The following CTNNA3 variants were observed in gnomAD, a reference collection of about 807,000 sequenced individuals.
CTNNA3 encodes the protein catenin alpha 3.
CTNNA3 carries 76 observed loss-of-function variants against 95.7 expected under a neutral mutation model. The ratio of observed to expected loss-of-function variants is 0.79; its 90% CI spans 0.66 to 0.96. CTNNA3 has a LOEUF of 0.96. Ranked by LOEUF, CTNNA3 falls within the 40% of genes least tolerant of loss-of-function variation. The probability of loss-of-function intolerance (pLI) is 0.00; values close to 1 mark genes in which losing one functional copy is unlikely to be tolerated. For synonymous variants in CTNNA3, 431 were observed against 374.4 expected (o/e 1.15, Z -1.74); for missense variants, 1,191 against 1,089.8 (o/e 1.09, Z -1.31).
At chr10:67,653,660 T>C (rs769674119) in intron 1 of CTNNA3, among the ~76,000 whole-genome samples, 1 of 152,160 alleles carries the variant, frequency 6.6e-6, no homozygotes, top group Non-Finnish European at 1.5e-5. Context: ...TAATCTGAAA[T>C]TGTTGAAATT....
chr10:66,814,405 T>G (rs988564556), intron 7 of CTNNA3, among the ~76,000 whole-genome samples: 1 of 152,180 alleles, frequency 6.6e-6, no homozygotes, highest in Non-Finnish European at 1.5e-5. Flanking sequence ...AAGCCTATGA[T>G]GAAGAATTTA....
chr10:65,988,088 T>C (rs533482930), intron 16 of CTNNA3, among the ~76,000 whole-genome samples: 4 of 152,192 alleles, frequency 2.6e-5, no homozygotes, highest in Non-Finnish European at 4.4e-5. Context: ...AATACAGTTA[T>C]ATAGGAGGAA....
chr10:66,069,468 C>T lies in CTNNA3; in HGVS notation c.1999G>A (p.Glu667Lys), dbSNP rs1460001539. The T allele has an allele frequency of 6.2e-7, 1 of 1,612,452 alleles. No individual in the cohort carries two copies. ...TDRAKMTQLP[E>K]AEKEKIAEQV... The stretch of plus-strand genomic sequence containing the variant: ...TCAGCAATCTTTTCTTTTTCTGCCT[C>T]AGGCAGTTGAGTCATCTTAGCCTAA... The change falls in exon 15 of 18, where the codon GAG becomes AAG. Residue 667 changes from glutamate (E) to lysine (K), a missense_variant. By Grantham distance (56) the Glu-to-Lys change is moderately conservative. Coordinates refer to ENST00000433211, the MANE Select transcript of CTNNA3 (RefSeq NM_013266.4).
chr10:66,715,339 T>G (rs1233250380), intron 9 of CTNNA3, among the ~76,000 whole-genome samples: 2 of 152,168 alleles, frequency 1.3e-5, no homozygotes, highest in African/African-American at 4.8e-5. Context: ...AAGTTAAAGA[T>G]TGTCATCCAT....
intron 12 of CTNNA3, among the ~76,000 whole-genome samples, chr10:66,283,825 AT>A (rs2091535910): frequency 6.6e-6 from 1 of 151,764 alleles, no homozygotes; most frequent in African/African-American, 2.4e-5. Context: ...CTAGGAGTAA[AT>A]TTTTTTAATG....
At chr10:67,096,765 A>C (rs1044853913) in intron 7 of CTNNA3, among the ~76,000 whole-genome samples, 1 of 151,776 alleles carries the variant, frequency 6.6e-6, no homozygotes, top group African/African-American at 2.4e-5. Flanking sequence ...TTTAGTTGGC[A>C]AGGGAGTCCC....
intron 11 of CTNNA3, among the ~76,000 whole-genome samples, chr10:66,391,159 G>A (rs117319707): frequency 1.2e-4 from 18 of 151,936 alleles, no homozygotes; most frequent in African/African-American, 1.9e-4. Flanking sequence ...TTATTCTTTC[G>A]CTTTTAGACA....
At chr10:66,908,330 C>T (rs1232904026) in intron 7 of CTNNA3, among the ~76,000 whole-genome samples, 2 of 152,174 alleles carry the variant, frequency 1.3e-5, no homozygotes, top group African/African-American at 4.8e-5. Context: ...TTTCTTGTAG[C>T]ATACAGGCTG....
intron 1 of CTNNA3, among the ~76,000 whole-genome samples, chr10:67,709,906 T>G (rs1426324313): frequency 1.3e-5 from 2 of 152,184 alleles, no homozygotes; most frequent in African/African-American, 4.8e-5. Flanking sequence ...AATAAATTCT[T>G]CTTTATCAAT....
chr10:67,079,983 G>C (rs1163134971), intron 7 of CTNNA3, among the ~76,000 whole-genome samples: 1 of 152,040 alleles, frequency 6.6e-6, no homozygotes, highest in Non-Finnish European at 1.5e-5. Flanking sequence ...GCTGTAGTTA[G>C]AGGAGGGTGG....
Position 65,930,488 on chromosome 10 carries a change from A to T in CTNNA3, c.2401-9871T>A, listed in dbSNP as rs982835800. On this transcript the variant is annotated intron_variant, in intron 17 of 17. Transcript: ENST00000433211. ...TAGCTGAAAATCAGTAAGTAGTCAAAACATCTTGACTAGGAAAATGTTCTG... is the reference window on the plus strand; with the variant it reads ...TAGCTGAAAATCAGTAAGTAGTCAATACATCTTGACTAGGAAAATGTTCTG... Among the ~76,000 whole-genome samples the T allele has an allele frequency of 2.2e-4, 33 of 152,166 alleles. 1 individual carries two copies. Among genetic ancestry groups the T allele is most frequent in the African/African-American group, 7.5e-4 (31 of 41,444 alleles).
chr10:66,158,027 G>A (rs1171700270), intron 13 of CTNNA3, among the ~76,000 whole-genome samples: 1 of 151,766 alleles, frequency 6.6e-6, no homozygotes, highest in Admixed American at 6.6e-5. Flanking sequence ...TTTTCTTACT[G>A]ATTTGTTTGA....
chr10:66,570,689 TAA>T (rs77224637), intron 10 of CTNNA3, among the ~76,000 whole-genome samples: 1 of 137,874 alleles, frequency 7.3e-6, no homozygotes, highest in Non-Finnish European at 1.6e-5. Context: ...GGAGCAAAAG[TAA>T]AAAAAAAAAA....
At chr10:66,889,916 A>G (rs1411185480) in intron 7 of CTNNA3, among the ~76,000 whole-genome samples, 2 of 150,670 alleles carry the variant, frequency 1.3e-5, no homozygotes, top group Non-Finnish European at 2.9e-5. Context: ...TCAGCCTCCC[A>G]AGTAGTTGGG....
intron 13 of CTNNA3, among the ~76,000 whole-genome samples, chr10:66,220,695 T>G (rs1236871217): frequency 6.6e-6 from 1 of 152,052 alleles, no homozygotes; most frequent in African/African-American, 2.4e-5. Flanking sequence ...GATGGGAAGC[T>G]GGAAAGGGAG....
At chr10:67,111,948 A>G (rs1858929445) in intron 7 of CTNNA3, among the ~76,000 whole-genome samples, 1 of 152,146 alleles carries the variant, frequency 6.6e-6, no homozygotes, top group Non-Finnish European at 1.5e-5. Flanking sequence ...CCAATTAGTA[A>G]CAAATTATGT....
Position 66,763,341 on chromosome 10 carries a change from C to CACACACAGAGAGAGAGAG in CTNNA3, c.1281+2922_1281+2923insCTCTCTCTCTCTGTGTGT, listed in dbSNP as rs371974709. Among the ~76,000 whole-genome samples, 5 of 139,212 alleles carry CACACACAGAGAGAGAGAG rather than the reference C, an allele frequency of 3.6e-5. No homozygotes were observed. In the South Asian group the frequency reaches 9.6e-4, roughly 27 times the overall value. The allele number at this position is 139,212 out of a possible 152,430, so 91.3% of individuals were successfully genotyped here. A position where few individuals can be genotyped will look rare whatever the true frequency, so the allele number is the denominator to read the frequency against. On this transcript the variant is annotated intron_variant, in intron 9 of 17. Transcript: ENST00000433211. ...ACACACACACACACACACACACACACAGAGAGAGAGAGGGAGAGAGAGAGA... is the reference window on the plus strand; with the variant it reads ...ACACACACACACACACACACACACACACACACAGAGAGAGAGAGAGAGAGAGAGAGGGAGAGAGAGAGA...
At chr10:66,994,497 T>C (rs993184160) in intron 7 of CTNNA3, among the ~76,000 whole-genome samples, 1 of 152,218 alleles carries the variant, frequency 6.6e-6, no homozygotes, top group East Asian at 1.9e-4. Context: ...TTTTGCATCA[T>C]GCTGAACTTC....
chr10:67,613,174 C>A (rs1039074684), intron 2 of CTNNA3, among the ~76,000 whole-genome samples: 2 of 152,144 alleles, frequency 1.3e-5, no homozygotes, highest in African/African-American at 2.4e-5. Flanking sequence ...GCAACCTCAA[C>A]CTGGGGTGAC....
Sources: allele counts gnomAD v4.1 joint callset (sites outside exome capture counted in the v4.1 genomes callset), GRCh38; gene constraint gnomAD v4.1.1; transcripts MANE v1.5; gene names NCBI Gene and HGNC (gene_info 2026-07-23, HGNC 2026-07-21).